Variants in DYNC2H1 observed in about 807,000 individuals in gnomAD.
DYNC2H1 encodes cytoplasmic dynein 2 heavy chain 1.
Under a neutral mutation model 570.0 loss-of-function variants are expected in DYNC2H1, and 410 were observed. The ratio of observed to expected loss-of-function variants is 0.72; its 90% CI spans 0.66 to 0.78. The LOEUF (loss-of-function observed/expected upper bound fraction) is 0.78. Among genes scored for constraint, DYNC2H1 ranks in the 30% least tolerant of loss-of-function variants. The pLI, the probability that DYNC2H1 is intolerant of heterozygous loss-of-function variation, is 0.00. For synonymous variants in DYNC2H1, 1,688 were observed against 1,677.6 expected (o/e 1.01, Z -0.15); for missense variants, 4,865 against 5,046.4 (o/e 0.96, Z 1.09).
intron 84 of DYNC2H1, among the ~76,000 whole-genome samples, chr11:103,429,769 A>T (rs1280728832): frequency 6.6e-6 from 1 of 152,214 alleles, no homozygotes; most frequent in Non-Finnish European, 1.5e-5. Flanking sequence ...TGATAATCTT[A>T]AATTGTATCT....
chr11:103,127,829 C>G (rs1180858871), intron 12 of DYNC2H1, among the ~76,000 whole-genome samples: 1 of 152,130 alleles, frequency 6.6e-6, no homozygotes, highest in Non-Finnish European at 1.5e-5. Context: ...AGCTGTCATT[C>G]CAGTTGGAGA....
intron 83 of DYNC2H1, among the ~76,000 whole-genome samples, chr11:103,370,255 GAGA>G (rs1359730674): frequency 6.6e-6 from 1 of 152,234 alleles, no homozygotes; most frequent in Non-Finnish European, 1.5e-5. Context: ...AGGAAGAAAG[GAGA>G]AGGACTGAAT....
In DYNC2H1 at chr11:103,170,719, C is replaced by T. The variant is rs1237418265; in HGVS notation, c.5152-167C>T. 1.3e-5 allele frequency among the ~76,000 whole-genome samples: 2 copies of T among 152,146 alleles called. No individual in the cohort carries two copies. Among genetic ancestry groups the T allele is most frequent in the East Asian group, 3.8e-4 (2 of 5,202 alleles). On this transcript the variant is annotated intron_variant, in intron 33 of 88. Coordinates refer to ENST00000375735, the MANE Select transcript of DYNC2H1 (RefSeq NM_001377.3). The surrounding 1 kb of genome is among the most constrained non-coding windows in gnomAD (Gnocchi z 4.8). The stretch of plus-strand genomic sequence containing the variant: ...CATTATTTTGTTTATCCCTTGAAAT[C>T]AACCTGGGTTTTGAAAGAGTAGCTA...
chr11:103,216,040 A>G, intron 55 of DYNC2H1, 182 bp downstream of exon 55: 1 of 667,326 alleles, frequency 1.5e-6, no homozygotes. Flanking sequence ...TATATTGTTT[A>G]GACTGATCAC....
intron 28 of DYNC2H1, among the ~76,000 whole-genome samples, chr11:103,159,337 G>T (rs1860980395): frequency 6.6e-6 from 1 of 152,142 alleles, no homozygotes; most frequent in South Asian, 2.1e-4. Flanking sequence ...AGAATGTATA[G>T]GCCTTAGTTA....
Position 103,158,726 on chromosome 11 carries a change from A to G in DYNC2H1, c.4177A>G (p.Thr1393Ala). ...AGACAATAGAGTCACAACATTAACT[A>G]CTCATGCTGGAATAAGAAATTCTCT... is the stretch of plus-strand genomic sequence containing the variant. ...KKDNRVTTLT[T>A]HAGIRNSLLT... The change falls in exon 27 of 89, where the codon ACT becomes GCT. Residue 1393 changes from threonine (T) to alanine (A), a missense_variant. By Grantham distance (58) the Thr-to-Ala change is moderately conservative. This residue lies in a region of DYNC2H1 where 1,936 missense variants were observed against 1,962.1 expected (regional missense o/e 0.99). Coordinates refer to ENST00000375735, the MANE Select transcript of DYNC2H1 (RefSeq NM_001377.3). 2.0e-6 allele frequency: 3 copies of G among 1,529,062 alleles called. No homozygotes were observed. Among genetic ancestry groups the G allele is most frequent in the Admixed American group, 2.0e-5 (1 of 50,532 alleles). The allele number at this position is 1,529,062 out of a possible 1,614,324, so 94.7% of individuals were successfully genotyped here. A position where few individuals can be genotyped will look rare whatever the true frequency, so the allele number is the denominator to read the frequency against.
chr11:103,381,151 G>A (rs4754923), intron 83 of DYNC2H1, among the ~76,000 whole-genome samples: 27,736 of 152,140 alleles, frequency 0.18, 2,721 homozygotes, highest in Admixed American at 0.26. Flanking sequence ...CAATTAAGAA[G>A]TTATAATGTT....
At chr11:103,399,966 C>A in intron 84 of DYNC2H1, 94 bp downstream of exon 84, 2 of 1,053,614 alleles carry the variant, frequency 1.9e-6, no homozygotes, top group Non-Finnish European at 2.7e-6. Flanking sequence ...TAGTTAATAG[C>A]AGAAGACCCG....
intron 55 of DYNC2H1, among the ~76,000 whole-genome samples, chr11:103,217,596 A>G (rs1022269054): frequency 2.6e-5 from 4 of 152,194 alleles, no homozygotes; most frequent in Non-Finnish European, 2.9e-5. Context: ...AGTGTGGATG[A>G]TGGATCTTAG....
At chr11:103,266,504 C>T (rs771182993) in intron 70 of DYNC2H1, among the ~76,000 whole-genome samples, 1 of 151,980 alleles carries the variant, frequency 6.6e-6, no homozygotes. Flanking sequence ...CAGCCACTAG[C>T]GGGGGTGGGG....
At position 103,135,602 on chromosome 11, in the gene DYNC2H1, T is replaced by C; in HGVS notation, c.2313T>C (p.Asn771=). The change falls in exon 16 of 89, where the codon AAT becomes AAC. Residue 771 remains asparagine (N), a synonymous_variant. Transcript: ENST00000375735. Reference sequence around the variant, plus strand: ...TGGGCTTAGAAGCACTTAATGAGAATTTGCCAGAAATAAATATAGACTTAA... The same window carrying C: ...TGGGCTTAGAAGCACTTAATGAGAACTTGCCAGAAATAAATATAGACTTAA... ...YQMGLEALNE[N]LPEINIDLTY... is the part of the protein sequence containing the mutation. 1 of 1,613,304 alleles carries C rather than the reference T, an allele frequency of 6.2e-7. No individual in the cohort carries two copies. The highest frequency in any genetic ancestry group is 8.5e-7 in the Non-Finnish European group (1 of 1,179,586).
intron 66 of DYNC2H1, 39 bp downstream of exon 66, chr11:103,253,487 C>A: frequency 6.4e-7 from 1 of 1,568,734 alleles, no homozygotes; most frequent in South Asian, 1.2e-5. Flanking sequence ...GGAATCTTTT[C>A]GAGCTTTATA....
intron 82 of DYNC2H1, among the ~76,000 whole-genome samples, chr11:103,339,147 T>A (rs984019852): frequency 1.3e-5 from 2 of 151,962 alleles, no homozygotes; most frequent in African/African-American, 4.8e-5. Flanking sequence ...AGGCAGAGTC[T>A]CTTGCTCTTC....
intron 83 of DYNC2H1, among the ~76,000 whole-genome samples, chr11:103,394,265 C>G (rs1349475141): frequency 6.6e-6 from 1 of 152,028 alleles, no homozygotes; most frequent in Non-Finnish European, 1.5e-5. Flanking sequence ...TGACAATTTG[C>G]TATGAAAAGG....
chr11:103,455,479 T>C (rs1443257548), intron 86 of DYNC2H1, among the ~76,000 whole-genome samples, 184 bp downstream of exon 86: 1 of 152,194 alleles, frequency 6.6e-6, no homozygotes, highest in Non-Finnish European at 1.5e-5. Flanking sequence ...GCATTGCTTT[T>C]AATGATGATA....
At chr11:103,122,078 G>A (rs1208156868) in intron 10 of DYNC2H1, among the ~76,000 whole-genome samples, 1 of 152,152 alleles carries the variant, frequency 6.6e-6, no homozygotes, top group Non-Finnish European at 1.5e-5. Flanking sequence ...CATGGTCTAA[G>A]GTAGTGAGAA....
At chr11:103,378,006 G>A (rs1301664086) in intron 83 of DYNC2H1, among the ~76,000 whole-genome samples, 1 of 152,166 alleles carries the variant, frequency 6.6e-6, no homozygotes, top group Non-Finnish European at 1.5e-5. Context: ...CAAAGCAATG[G>A]GATTACAGGT....
chr11:103,251,271 GTTC>G (rs1322239228), intron 65 of DYNC2H1, among the ~76,000 whole-genome samples: 1 of 151,932 alleles, frequency 6.6e-6, no homozygotes, highest in East Asian at 1.9e-4. Context: ...ATTATGAAAT[GTTC>G]TTCTTTATCT....
At position 103,422,908 on chromosome 11, in the gene DYNC2H1, C is replaced by T. The variant is rs148190891; in HGVS notation, c.12367-13035C>T. ...GAGGAAGTCAAATTGTTTTTGTTTG[C>T]AGATGACATGATCCTATATCTAGAA... On this transcript the variant is annotated intron_variant, in intron 84 of 88. Transcript: ENST00000375735. Among the ~76,000 whole-genome samples, 1,380 of 152,198 alleles carry T rather than the reference C, an allele frequency of 9.1e-3. 27 individuals carry two copies. The highest frequency in any genetic ancestry group is 0.031 in the African/African-American group (1,289 of 41,508).
Sources: allele counts gnomAD v4.1 joint callset (sites outside exome capture counted in the v4.1 genomes callset), GRCh38; gene constraint gnomAD v4.1.1; regional missense constraint gnomAD v4.1.1; non-coding constraint Gnocchi (gnomAD v3.1); transcripts MANE v1.5; gene names NCBI Gene and HGNC (gene_info 2026-07-23, HGNC 2026-07-21).